RIMS2: variants seen among roughly 807,000 people sequenced by gnomAD.
The protein encoded by RIMS2 is regulating synaptic membrane exocytosis 2, also known as regulating synaptic membrane exocytosis protein 2.
In RIMS2, 59 loss-of-function variants were observed where a neutral mutation model predicts 174.4. That is an observed-to-expected ratio of 0.34 (90% CI 0.27 to 0.42). The LOEUF (loss-of-function observed/expected upper bound fraction) is 0.42. RIMS2 is among the 10% of genes least tolerant of loss of function. The pLI is 1.00. For missense variants in RIMS2, 1,620 were observed against 1,666.3 expected, an observed-to-expected ratio of 0.97 and a Z score of 0.48; for synonymous variants, 606 against 572.5, an observed-to-expected ratio of 1.06 and a Z score of -0.84.
At chr8:104,051,809 AT>A (rs1281294454) in intron 19 of RIMS2, among the ~76,000 whole-genome samples, 2 of 152,230 alleles carry the variant, frequency 1.3e-5, no homozygotes, top group African/African-American at 2.4e-5. Context: ...TGAGAAAAAA[AT>A]AAGTCCTAGC....
chr8:104,059,735 A>G (rs1361622782), intron 19 of RIMS2, among the ~76,000 whole-genome samples: 1 of 151,414 alleles, frequency 6.6e-6, no homozygotes, highest in African/African-American at 2.4e-5. Flanking sequence ...TTATTTTGAG[A>G]TACGTCCCAT....
chr8:103,975,230 A>G (rs1197438169), intron 15 of RIMS2, 120 bp from the exon 18 acceptor site: 3 of 571,266 alleles, frequency 5.3e-6, no homozygotes, highest in African/African-American at 1.9e-5. Flanking sequence ...ACTATACTTT[A>G]TATTTAATAT....
At chr8:103,923,186 T>G (rs975614329) in intron 10 of RIMS2, among the ~76,000 whole-genome samples, 1 of 151,966 alleles carries the variant, frequency 6.6e-6, no homozygotes, top group Non-Finnish European at 1.5e-5. Context: ...TGTTGTTTCT[T>G]ATTATGGATC....
At chr8:103,830,898 T>A (rs1051344865) in intron 3 of RIMS2, among the ~76,000 whole-genome samples, 2 of 152,160 alleles carry the variant, frequency 1.3e-5, no homozygotes, top group African/African-American at 4.8e-5. Context: ...AGCCTCATCT[T>A]CCCATGCTCA....
At chr8:104,222,474 C>T (rs1386425574) in intron 19 of RIMS2, among the ~76,000 whole-genome samples, 1 of 152,158 alleles carries the variant, frequency 6.6e-6, no homozygotes, top group Non-Finnish European at 1.5e-5. Context: ...GCCCAGTGAT[C>T]ATGTTTGACA....
chr8:104,086,152 AAT>A (rs1416660061), intron 19 of RIMS2, among the ~76,000 whole-genome samples: 4 of 152,012 alleles, frequency 2.6e-5, no homozygotes, highest in Non-Finnish European at 5.9e-5. Flanking sequence ...CCTGAGTGGC[AAT>A]ATCTAAGAAG....
chr8:103,936,823 T>C (rs1247473905), intron 13 of RIMS2, 101 bp downstream of exon 15: 8 of 897,630 alleles, frequency 8.9e-6, no homozygotes, highest in African/African-American at 3.4e-5. Flanking sequence ...AGGCCAGGCA[T>C]GGTGGCTCAT....
chr8:103,736,331 C>A (rs2097685445), intron 2 of RIMS2, among the ~76,000 whole-genome samples: 1 of 152,004 alleles, frequency 6.6e-6, no homozygotes, highest in African/African-American at 2.4e-5. Context: ...CATCAAAGTC[C>A]CATGGGGCTA....
chr8:103,671,081 C>T (rs187035037), intron 1 of RIMS2, among the ~76,000 whole-genome samples: 14 of 152,164 alleles, frequency 9.2e-5, no homozygotes, highest in African/African-American at 2.7e-4. Context: ...GCGAAAGGCA[C>T]GTCTTACATG....
At chr8:103,559,418 AG>A in intron 1 of RIMS2, 1 of 354,538 alleles carries the variant, frequency 2.8e-6, no homozygotes. Context: ...GATCCGATGC[AG>A]GGGATTAAAA....
chr8:103,660,865 A>T (rs1188165384), intron 1 of RIMS2, among the ~76,000 whole-genome samples: 6 of 152,232 alleles, frequency 3.9e-5, no homozygotes, highest in Admixed American at 3.9e-4. Context: ...CAAAGTACTT[A>T]TTGCTAAGTA....
chr8:103,766,907 G>T (rs888754867), intron 3 of RIMS2, among the ~76,000 whole-genome samples: 1 of 152,210 alleles, frequency 6.6e-6, no homozygotes, highest in Non-Finnish European at 1.5e-5. Flanking sequence ...GGAAGTGGGA[G>T]TTAAGGTAAT....
intron 10 of RIMS2, among the ~76,000 whole-genome samples, chr8:103,925,466 G>C (rs2078590359): frequency 6.6e-6 from 1 of 151,250 alleles, no homozygotes; most frequent in Admixed American, 6.6e-5. Flanking sequence ...ACATTTCATT[G>C]TCATAACTTT....
intron 14 of RIMS2, among the ~76,000 whole-genome samples, chr8:103,952,400 T>A (rs995029002): frequency 6.6e-6 from 1 of 152,096 alleles, no homozygotes; most frequent in East Asian, 1.9e-4. Context: ...GGGACAAAGC[T>A]TCCAGAGGAA....
intron 3 of RIMS2, among the ~76,000 whole-genome samples, chr8:103,837,814 A>G (rs976558912): frequency 1.3e-5 from 2 of 152,186 alleles, no homozygotes; most frequent in African/African-American, 4.8e-5. Context: ...TAGTGCCTCA[A>G]TAAACATACG....
At chr8:103,761,127 T>G (rs1271259684) in intron 2 of RIMS2, among the ~76,000 whole-genome samples, 1 of 152,214 alleles carries the variant, frequency 6.6e-6, no homozygotes, top group African/African-American at 2.4e-5. Context: ...TTATTTAGTC[T>G]AAATACATCC....
chr8:103,572,041 C>T (rs1162361773), intron 1 of RIMS2, among the ~76,000 whole-genome samples: 1 of 152,138 alleles, frequency 6.6e-6, no homozygotes, highest in Non-Finnish European at 1.5e-5. Context: ...GCCACGGACC[C>T]TCGCAGTGAG....
At chr8:103,821,689 C>A (rs1269686216) in intron 3 of RIMS2, among the ~76,000 whole-genome samples, 1 of 151,392 alleles carries the variant, frequency 6.6e-6, no homozygotes, top group Non-Finnish European at 1.5e-5. Flanking sequence ...TCTTTTAAAC[C>A]TTTTATTCTG....
chr8:103,783,466 TG>T (rs1316270819), intron 3 of RIMS2, among the ~76,000 whole-genome samples: 1 of 146,480 alleles, frequency 6.8e-6, no homozygotes, highest in East Asian at 2.2e-4. Context: ...TTCCCCTTCA[TG>T]TGTCCATGTG....
Sources: allele counts gnomAD v4.1 joint callset (sites outside exome capture counted in the v4.1 genomes callset), GRCh38; gene constraint gnomAD v4.1.1; transcripts MANE v1.5; gene names NCBI Gene and HGNC (gene_info 2026-07-23, HGNC 2026-07-21).